PCDHA9: variants seen among roughly 807,000 people sequenced by gnomAD.
The protein encoded by PCDHA9 is protocadherin alpha 9, also known as protocadherin alpha-9.
Under a neutral mutation model 62.0 loss-of-function variants are expected in PCDHA9, and 62 were observed. The ratio of observed to expected loss-of-function variants is 1.00; its 90% CI spans 0.81 to 1.23. The LOEUF is 1.23. Among genes scored for constraint, PCDHA9 ranks in the 50% most tolerant of loss-of-function variants. PCDHA9 has a pLI of 0.00. For synonymous variants in PCDHA9, 557 were observed against 567.6 expected (o/e 0.98, Z 0.27); for missense variants, 1,205 against 1,249.8 (o/e 0.96, Z 0.54).
Position 140,877,064 on chromosome 5 carries a change from T to C in PCDHA9, c.2394+26175T>C, listed in dbSNP as rs2056824961. On this transcript the variant is annotated intron_variant, in intron 1 of 3. Coordinates refer to ENST00000532602, the MANE Select transcript of PCDHA9 (RefSeq NM_031857.2). ...CTAGACCACGAGGAGCTGGAGCTGC[T>C]GCAGTTCCAGGTGAGCGCGCGCGAC... is the stretch of plus-strand genomic sequence containing the variant. The C allele has an allele frequency of 6.2e-7, 1 of 1,612,896 alleles. No homozygotes were observed. Among genetic ancestry groups the C allele is most frequent in the Non-Finnish European group, 8.5e-7 (1 of 1,179,856 alleles).
chr5:140,967,386 T>TA, intron 1 of PCDHA9: 1 of 1,609,114 alleles, frequency 6.2e-7, no homozygotes, highest in Non-Finnish European at 8.5e-7. Context: ...AGTAAAGTGC[T>TA]TGAGCTGGTG....
At chr5:140,857,441 G>A (rs1554150037) in intron 1 of PCDHA9, 3 of 1,598,446 alleles carry the variant, frequency 1.9e-6, no homozygotes, top group African/African-American at 1.3e-5. Context: ...GTTCGTGAAG[G>A]AGAACAACCC....
chr5:140,888,233 C>T (rs544193607), intron 1 of PCDHA9, among the ~76,000 whole-genome samples: 6 of 152,142 alleles, frequency 3.9e-5, no homozygotes, highest in South Asian at 4.1e-4. Flanking sequence ...CATGTGTGTG[C>T]GTGTTCCTTT....
intron 1 of PCDHA9, among the ~76,000 whole-genome samples, chr5:140,903,594 A>G (rs868958257): frequency 3.3e-5 from 5 of 152,238 alleles, no homozygotes; most frequent in South Asian, 2.1e-4. Flanking sequence ...TTGGCCTGAT[A>G]AATGCTTAAT....
intron 1 of PCDHA9, among the ~76,000 whole-genome samples, chr5:140,914,458 A>G (rs1294717004): frequency 6.6e-6 from 1 of 152,004 alleles, no homozygotes; most frequent in Non-Finnish European, 1.5e-5. Flanking sequence ...TTTCCAGTCT[A>G]TGTGTATCTT....
intron 2 of PCDHA9, among the ~76,000 whole-genome samples, chr5:140,981,993 G>A (rs533430599): frequency 6.6e-6 from 1 of 152,272 alleles, no homozygotes; most frequent in Admixed American, 6.5e-5. Flanking sequence ...TAGAAAATAA[G>A]GTTAAGAATT....
At chr5:140,876,282 C>T (rs1227830598) in intron 1 of PCDHA9, 3 of 1,613,872 alleles carry the variant, frequency 1.9e-6, no homozygotes, top group Admixed American at 1.7e-5. Flanking sequence ...CCGATCCAGA[C>T]GAAGGACTTA....
chr5:140,850,016 C>T lies in PCDHA9; in HGVS notation c.1521C>T (p.Tyr507=), dbSNP rs2150463409. 1 of 1,596,912 alleles carries T rather than the reference C, an allele frequency of 6.3e-7. No homozygotes were observed. The highest frequency in any genetic ancestry group is 8.6e-7 in the Non-Finnish European group (1 of 1,167,812). The stretch of plus-strand genomic sequence containing the variant: ...TGGGCGAGCGCTCGCTGTCGAGCTA[C>T]GTGTCAGTGCACGCGGAGAGCGGCA... ...RRLGERSLSS[Y]VSVHAESGKV... Residue 507 remains tyrosine, a synonymous_variant, in exon 1 of 4, where the codon TAC becomes TAT. Coordinates refer to ENST00000532602, the MANE Select transcript of PCDHA9 (RefSeq NM_031857.2).
intron 1 of PCDHA9, chr5:140,871,263 G>C: frequency 6.2e-7 from 1 of 1,614,010 alleles, no homozygotes; most frequent in Non-Finnish European, 8.5e-7. Context: ...ATACGGCGCT[G>C]TGGTGGTCGG....
intron 1 of PCDHA9, chr5:140,883,989 G>A (rs1554180956): frequency 6.2e-7 from 1 of 1,612,952 alleles, no homozygotes; most frequent in Non-Finnish European, 8.5e-7. Flanking sequence ...GGCAGCGCGG[G>A]AGGCACAGTG....
At chr5:140,861,384 C>A in intron 1 of PCDHA9, 1 of 437,328 alleles carries the variant, frequency 2.3e-6, no homozygotes, top group Non-Finnish European at 4.7e-6. Flanking sequence ...TGCGCAGGAC[C>A]TGGGTCTGGA....
At chr5:141,001,276 T>C (rs2098003991) in intron 3 of PCDHA9, among the ~76,000 whole-genome samples, 1 of 152,210 alleles carries the variant, frequency 6.6e-6, no homozygotes. Context: ...GAACTTTTTT[T>C]ACGGATGAAA....
At chr5:140,968,529 C>T in intron 1 of PCDHA9, 1 of 1,614,206 alleles carries the variant, frequency 6.2e-7, no homozygotes, top group Non-Finnish European at 8.5e-7. Flanking sequence ...ACCAACTCGT[C>T]AGCAGCCTTC....
chr5:140,927,942 T>C, intron 1 of PCDHA9: 1 of 1,614,226 alleles, frequency 6.2e-7, no homozygotes, highest in Non-Finnish European at 8.5e-7. Flanking sequence ...ACCCAGTACC[T>C]GAGGACGCTG....
chr5:140,918,633 A>G (rs2078785997), intron 1 of PCDHA9, among the ~76,000 whole-genome samples: 1 of 152,242 alleles, frequency 6.6e-6, no homozygotes, highest in Non-Finnish European at 1.5e-5. Flanking sequence ...CCCCAAATTC[A>G]TAAATTGAAA....
chr5:140,893,530 A>G (rs2064036357), intron 1 of PCDHA9, among the ~76,000 whole-genome samples: 1 of 152,056 alleles, frequency 6.6e-6, no homozygotes, highest in South Asian at 2.1e-4. Context: ...TCCTTTAAGT[A>G]TTTCTTGTAG....
At chr5:140,960,476 A>G (rs900807612) in intron 1 of PCDHA9, among the ~76,000 whole-genome samples, 3 of 152,178 alleles carry the variant, frequency 2.0e-5, no homozygotes, top group South Asian at 2.1e-4. Context: ...TCCTTCTTAC[A>G]CAGAGGTGTA....
intron 1 of PCDHA9, among the ~76,000 whole-genome samples, chr5:140,895,928 A>G (rs559949902): frequency 5.9e-5 from 9 of 152,226 alleles, no homozygotes; most frequent in African/African-American, 1.9e-4. Flanking sequence ...ATCCTGCCTC[A>G]GCCTCCCGAG....
chr5:140,979,592 T>C (rs1554240865), intron 2 of PCDHA9, among the ~76,000 whole-genome samples: 1 of 152,248 alleles, frequency 6.6e-6, no homozygotes, highest in African/African-American at 2.4e-5. Flanking sequence ...CTAGCTTACT[T>C]TAAATTAACC....
Sources: gnomAD v4.1 joint callset for allele counts (sites outside exome capture counted in the v4.1 genomes callset) on GRCh38, gnomAD v4.1.1 for gene constraint, MANE v1.5 for transcripts, NCBI Gene and HGNC (gene_info 2026-07-23, HGNC 2026-07-21) for gene names.